PTPRD: variants seen among roughly 807,000 people sequenced by gnomAD.
PTPRD encodes the protein protein tyrosine phosphatase receptor type D.
In PTPRD, 34 loss-of-function variants were observed where a neutral mutation model predicts 214.5. That is an observed-to-expected ratio of 0.16 (90% CI 0.12 to 0.21). PTPRD has a LOEUF of 0.21. Ranked by LOEUF, PTPRD falls within the 10% of genes least tolerant of loss-of-function variation. The pLI, the probability that PTPRD is intolerant of heterozygous loss-of-function variation, is 1.00. For missense variants in PTPRD, 2,545 were observed against 2,398.7 expected, an observed-to-expected ratio of 1.06 and a Z score of -1.27; for synonymous variants, 1,128 against 845.7, an observed-to-expected ratio of 1.33 and a Z score of -5.79.
intron 10 of PTPRD, among the ~76,000 whole-genome samples, chr9:9,028,393 T>C (rs2099594180): frequency 6.6e-6 from 1 of 151,978 alleles, no homozygotes; most frequent in South Asian, 2.1e-4. Context: ...ATTTAGTTTG[T>C]GTTACTTTTA....
At chr9:9,469,660 G>A (rs1242581857) in intron 8 of PTPRD, among the ~76,000 whole-genome samples, 2 of 152,216 alleles carry the variant, frequency 1.3e-5, no homozygotes, top group African/African-American at 2.4e-5. Context: ...TGGATGTGCA[G>A]TAGAGAAAAA....
intron 35 of PTPRD, among the ~76,000 whole-genome samples, chr9:8,417,432 C>T (rs2094021449): frequency 6.6e-6 from 1 of 152,086 alleles, no homozygotes; most frequent in Non-Finnish European, 1.5e-5. Flanking sequence ...GCAGAAACTA[C>T]TAAGAATGGT....
Position 9,336,084 on chromosome 9 carries a change from G to A in PTPRD, c.-203+61365C>T, listed in dbSNP as rs549325183. 2.7e-4 allele frequency among the ~76,000 whole-genome samples: 41 copies of A among 152,110 alleles called. 1 individual carries two copies. The East Asian group carries it at 7.3e-3, about 27-fold the overall frequency. ...TATTTCCATCACAGGTTAAAGATAC[G>A]ACACACACATAATCTTTTATTTTCA... is the stretch of plus-strand genomic sequence containing the variant. On this transcript the variant is annotated intron_variant, in intron 9 of 45. Transcript: ENST00000381196.
intron 2 of PTPRD, among the ~76,000 whole-genome samples, chr9:10,581,195 C>T (rs1012117683): frequency 5.3e-5 from 8 of 152,136 alleles, no homozygotes; most frequent in Admixed American, 3.9e-4. Flanking sequence ...GTACTTATAA[C>T]GCTACCTGGT....
chr9:8,669,586 C>T lies in PTPRD; in HGVS notation c.65-32742G>A, dbSNP rs180796579. On this transcript the variant is annotated intron_variant, in intron 12 of 45. Transcript: ENST00000381196. ...AAATAGGCTGCTGTGCTATCCAAGT[C>T]ACCTCAAGGAGAAGTCGTGGAAACC... Among the ~76,000 whole-genome samples, 7 of 152,236 alleles carry T rather than the reference C, an allele frequency of 4.6e-5. No homozygotes were observed. The South Asian group carries it at 1.5e-3, about 32-fold the overall frequency.
chr9:10,262,284 C>T (rs1214839532), intron 3 of PTPRD, among the ~76,000 whole-genome samples: 1 of 152,080 alleles, frequency 6.6e-6, no homozygotes, highest in East Asian at 1.9e-4. Context: ...AGGATAATTA[C>T]ACTAATGCTA....
At chr9:10,372,726 T>C (rs920491958) in intron 2 of PTPRD, among the ~76,000 whole-genome samples, 1 of 152,000 alleles carries the variant, frequency 6.6e-6, no homozygotes, top group Non-Finnish European at 1.5e-5. Flanking sequence ...GAGTTTGCAA[T>C]TAACTAGCGT....
chr9:9,393,086 C>A (rs1266466191), intron 9 of PTPRD, among the ~76,000 whole-genome samples: 2 of 152,110 alleles, frequency 1.3e-5, no homozygotes, highest in Non-Finnish European at 2.9e-5. Context: ...TCCTTTTTTA[C>A]CCAATAAATT....
intron 11 of PTPRD, among the ~76,000 whole-genome samples, chr9:8,843,037 A>G (rs756592612): frequency 2.6e-5 from 4 of 152,088 alleles, no homozygotes; most frequent in South Asian, 4.1e-4. Flanking sequence ...AAATTACATA[A>G]TCACCCTACT....
chr9:10,019,525 G>C (rs10958823), intron 4 of PTPRD, among the ~76,000 whole-genome samples: 10,316 of 152,096 alleles, frequency 0.068, 470 homozygotes, highest in East Asian at 0.11. Flanking sequence ...TTGGAACCAA[G>C]CCAAAAGTCC....
chr9:9,524,433 T>C (rs1262745766), intron 8 of PTPRD, among the ~76,000 whole-genome samples: 2 of 152,212 alleles, frequency 1.3e-5, no homozygotes, highest in Non-Finnish European at 2.9e-5. Context: ...TAAAGATTTA[T>C]TGCTTAATAC....
intron 11 of PTPRD, among the ~76,000 whole-genome samples, chr9:8,840,250 T>G (rs2097532682): frequency 1.3e-5 from 2 of 152,196 alleles, no homozygotes; most frequent in South Asian, 4.1e-4. Flanking sequence ...AGGAGATACC[T>G]GGTGGGAGGT....
At chr9:9,155,756 G>A (rs1439837055) in intron 10 of PTPRD, among the ~76,000 whole-genome samples, 12 of 152,132 alleles carry the variant, frequency 7.9e-5, no homozygotes, top group African/African-American at 2.4e-4. Flanking sequence ...AGGGTAAGAG[G>A]TAACACTGCA....
chr9:9,998,129 A>AAAATATATAT lies in PTPRD; in HGVS notation c.-472+35588_-472+35589insATATATATTT, dbSNP rs57991748. Among the ~76,000 whole-genome samples, 309 of 91,446 alleles carry AAAATATATAT rather than the reference A, an allele frequency of 3.4e-3. 4 individuals are homozygous for AAAATATATAT. Among genetic ancestry groups the AAAATATATAT allele is most frequent in the African/African-American group, 7.0e-3 (119 of 16,988 alleles). 60.0% of individuals were successfully genotyped at this position (91,446 alleles called of 152,430 possible). On this transcript the variant is annotated intron_variant, in intron 4 of 45. Transcript: ENST00000381196. ...TTAAAGTATAATAAAAAAAAAAAAA[A>AAAATATATAT]ATATATATATATATATAAAAGAAGA...
chr9:9,106,501 C>T (rs1057087055), intron 10 of PTPRD, among the ~76,000 whole-genome samples: 24 of 149,432 alleles, frequency 1.6e-4, no homozygotes, highest in Admixed American at 1.4e-3. Flanking sequence ...TGGAACCAGG[C>T]GATCCGACTT....
chr9:10,214,417 C>G (rs539109217), intron 3 of PTPRD, among the ~76,000 whole-genome samples: 1 of 145,776 alleles, frequency 6.9e-6, no homozygotes, highest in Admixed American at 7.1e-5. Context: ...GCTGGGATTA[C>G]CAAGCCCAAC....
At position 9,720,825 on chromosome 9, in the gene PTPRD, A is replaced by G. The variant is rs1306646286; in HGVS notation, c.-287+13708T>C. ...TACTATGCAACCAAAAAAAAGAATG[A>G]TATCATGTCTTTTGTTGGAACATGG... On this transcript the variant is annotated intron_variant, in intron 7 of 45. Transcript: ENST00000381196. Among the ~76,000 whole-genome samples the G allele has an allele frequency of 2.6e-5, 4 of 152,214 alleles. No individual in the cohort carries two copies. In the East Asian group the frequency reaches 7.7e-4, roughly 29 times the overall value.
Position 10,572,338 on chromosome 9 carries a change from T to C in PTPRD, c.-600+40060A>G, listed in dbSNP as rs190293784. On this transcript the variant is annotated intron_variant, in intron 2 of 45. Coordinates refer to ENST00000381196, the MANE Select transcript of PTPRD (RefSeq NM_002839.4). ...CTCACAATTTATATTATCTAATAAG[T>C]GTCATTCCTGGAGGAAACAACCATT... Among the ~76,000 whole-genome samples the C allele has an allele frequency of 3.3e-5, 5 of 152,322 alleles. No homozygotes were observed. The East Asian group carries it at 9.7e-4, about 29-fold the overall frequency.
chr9:8,850,741 T>G (rs984185029), intron 11 of PTPRD, among the ~76,000 whole-genome samples: 3 of 152,192 alleles, frequency 2.0e-5, no homozygotes, highest in Non-Finnish European at 4.4e-5. Flanking sequence ...TGAATTGGTT[T>G]TTCTCTCAAA....
Sources: allele counts gnomAD v4.1 joint callset (sites outside exome capture counted in the v4.1 genomes callset), GRCh38; gene constraint gnomAD v4.1.1; transcripts MANE v1.5; gene names NCBI Gene and HGNC (gene_info 2026-07-23, HGNC 2026-07-21).